CNTNAP2: variants seen among roughly 807,000 people sequenced by gnomAD.
The protein encoded by CNTNAP2 is contactin associated protein 2.
CNTNAP2 carries 98 observed loss-of-function variants against 155.2 expected under a neutral mutation model. The observed-to-expected ratio is 0.63, with a 90% CI of 0.54 to 0.75. CNTNAP2 has a LOEUF of 0.75. Among genes scored for constraint, CNTNAP2 ranks in the 30% least tolerant of loss-of-function variants. The probability of loss-of-function intolerance (pLI) is 0.00; values close to 1 mark genes in which losing one functional copy is unlikely to be tolerated. For missense variants in CNTNAP2, 1,727 were observed against 1,688.1 expected (o/e 1.02, Z -0.40); for synonymous variants, 651 against 631.2 (o/e 1.03, Z -0.47).
At chr7:147,258,078 CAG>C (rs1353223498) in intron 8 of CNTNAP2, among the ~76,000 whole-genome samples, 1 of 152,108 alleles carries the variant, frequency 6.6e-6, no homozygotes, top group African/African-American at 2.4e-5. Flanking sequence ...AATATAGAGA[CAG>C]AGACGTTCAA....
intron 13 of CNTNAP2, among the ~76,000 whole-genome samples, chr7:147,898,546 CAG>C (rs201237103): frequency 0.011 from 1,672 of 151,184 alleles, 86 homozygotes; most frequent in Admixed American, 0.092. Flanking sequence ...TTTTTTGAGA[CAG>C]AGTCTCACTC....
intron 1 of CNTNAP2, among the ~76,000 whole-genome samples, chr7:146,233,118 G>T (rs1019880989): frequency 6.6e-5 from 10 of 151,852 alleles, no homozygotes; most frequent in African/African-American, 1.5e-4. Context: ...GTAATAAAGT[G>T]TTCTAAGCAC....
intron 15 of CNTNAP2, among the ~76,000 whole-genome samples, chr7:147,993,990 T>A (rs1801760165): frequency 1.3e-5 from 2 of 152,048 alleles, no homozygotes; most frequent in South Asian, 4.1e-4. Context: ...TTCACACAGA[T>A]TTGCCCTCCT....
chr7:146,397,408 T>C (rs966682578), intron 1 of CNTNAP2, among the ~76,000 whole-genome samples: 7 of 152,344 alleles, frequency 4.6e-5, no homozygotes, highest in African/African-American at 1.7e-4. Context: ...TCATTTCTCC[T>C]GCCTAGATGT....
At chr7:146,201,155 A>G (rs961557063) in intron 1 of CNTNAP2, among the ~76,000 whole-genome samples, 8 of 152,148 alleles carry the variant, frequency 5.3e-5, no homozygotes, top group Admixed American at 2.0e-4. Flanking sequence ...TTCTTATGGT[A>G]TCAATGAGTG....
chr7:148,118,834 T>C (rs1357396449), intron 16 of CNTNAP2, among the ~76,000 whole-genome samples: 1 of 152,136 alleles, frequency 6.6e-6, no homozygotes, highest in Admixed American at 6.5e-5. Flanking sequence ...GGATGTCATG[T>C]ACTTAGCCAA....
chr7:146,720,676 ACTGT>A (rs955267785), intron 1 of CNTNAP2, among the ~76,000 whole-genome samples: 12 of 151,622 alleles, frequency 7.9e-5, no homozygotes, highest in Admixed American at 5.9e-4. Flanking sequence ...ATTTCCATTC[ACTGT>A]CTGTTACGTT....
chr7:147,003,514 G>A (rs1798467361), intron 3 of CNTNAP2, among the ~76,000 whole-genome samples: 1 of 151,618 alleles, frequency 6.6e-6, no homozygotes, highest in Non-Finnish European at 1.5e-5. Flanking sequence ...ATAAAAAATG[G>A]GGAATAGAGG....
At chr7:148,215,390 G>A (rs752199309) in intron 18 of CNTNAP2, among the ~76,000 whole-genome samples, 12 of 152,046 alleles carry the variant, frequency 7.9e-5, no homozygotes, top group African/African-American at 1.7e-4. Context: ...TTGTAGAACC[G>A]TTTTTTTGTG....
At chr7:146,209,064 T>G (rs73453810) in intron 1 of CNTNAP2, among the ~76,000 whole-genome samples, 1 of 152,120 alleles carries the variant, frequency 6.6e-6, no homozygotes, top group South Asian at 2.1e-4. Flanking sequence ...AGGGGCTTCA[T>G]TGTAAACCCC....
intron 15 of CNTNAP2, among the ~76,000 whole-genome samples, chr7:147,990,076 C>T (rs1484771562): frequency 1.3e-5 from 2 of 152,110 alleles, no homozygotes; most frequent in African/African-American, 2.4e-5. Flanking sequence ...TGCTACTATT[C>T]TTTCAGGGTC....
intron 5 of CNTNAP2, among the ~76,000 whole-genome samples, chr7:147,109,780 G>C (rs1178154269): frequency 1.3e-5 from 2 of 152,132 alleles, no homozygotes; most frequent in Non-Finnish European, 2.9e-5. Context: ...ACTAACTAGA[G>C]AGGAAGAACA....
chr7:146,201,556 A>G (rs936706878), intron 1 of CNTNAP2, among the ~76,000 whole-genome samples: 2 of 152,140 alleles, frequency 1.3e-5, no homozygotes, highest in South Asian at 4.1e-4. Context: ...GTGGAAAATG[A>G]TAATGCAAAA....
At chr7:146,765,984 C>T (rs768509135) in intron 1 of CNTNAP2, among the ~76,000 whole-genome samples, 55 of 151,930 alleles carry the variant, frequency 3.6e-4, no homozygotes, top group Non-Finnish European at 6.2e-4. Flanking sequence ...AATAAAATAG[C>T]GCCAGAGATA....
At chr7:146,911,462 A>G (rs1378788039) in intron 3 of CNTNAP2, among the ~76,000 whole-genome samples, 3 of 152,196 alleles carry the variant, frequency 2.0e-5, no homozygotes, top group Non-Finnish European at 2.9e-5. Flanking sequence ...TACACCATGG[A>G]ATACTATGCA....
chr7:148,151,972 C>T (rs1450479066), intron 17 of CNTNAP2, among the ~76,000 whole-genome samples: 1 of 152,050 alleles, frequency 6.6e-6, no homozygotes, highest in Non-Finnish European at 1.5e-5. Flanking sequence ...CAGAATGGCC[C>T]AAGAGCTCCA....
At chr7:147,457,156 T>A (rs972196015) in intron 10 of CNTNAP2, among the ~76,000 whole-genome samples, 1 of 152,116 alleles carries the variant, frequency 6.6e-6, no homozygotes, top group African/African-American at 2.4e-5. Flanking sequence ...CATTTCACTG[T>A]GTCATGCTGA....
chr7:147,224,746 CTG>C (rs886465791), intron 8 of CNTNAP2, among the ~76,000 whole-genome samples: 7 of 152,082 alleles, frequency 4.6e-5, no homozygotes, highest in Admixed American at 2.6e-4. Flanking sequence ...ATTTGCATAA[CTG>C]TTAACATTAT....
chr7:146,822,863 G>A (rs868066267), intron 2 of CNTNAP2, among the ~76,000 whole-genome samples: 3 of 141,752 alleles, frequency 2.1e-5, no homozygotes, highest in East Asian at 4.2e-4. Context: ...ATATTTAAAT[G>A]TAAATATACT....
Sources: allele counts gnomAD v4.1 joint callset (sites outside exome capture counted in the v4.1 genomes callset), GRCh38; gene constraint gnomAD v4.1.1; transcripts MANE v1.5; gene names NCBI Gene and HGNC (gene_info 2026-07-23, HGNC 2026-07-21).